The following NR5A2 variants were observed in gnomAD, a reference collection of about 807,000 sequenced individuals.
NR5A2 encodes nuclear receptor subfamily 5 group A member 2.
A neutral mutation model predicts 62.7 loss-of-function variants in NR5A2; 26 were observed. The observed-to-expected ratio is 0.41, with a 90% CI of 0.30 to 0.58. NR5A2 has a LOEUF of 0.58. Among genes scored for constraint, NR5A2 ranks in the 20% least tolerant of loss-of-function variants. The pLI is 0.22. For synonymous variants in NR5A2, 246 were observed against 241.7 expected (o/e 1.02, Z -0.16); for missense variants, 541 against 669.1 (o/e 0.81, Z 2.11).
intron 5 of NR5A2, among the ~76,000 whole-genome samples, chr1:200,066,688 A>G (rs1663492035): frequency 6.8e-6 from 1 of 147,036 alleles, no homozygotes. Flanking sequence ...CCTGGGGTCA[A>G]GTGATCCTCC....
In NR5A2 at chr1:200,175,783, T is replaced by G. The variant is rs1015216466; in HGVS notation, c.*1573T>G. Reference sequence around the variant, plus strand: ...GAGACACTAAAATCAAAAACGGGAATCTCATTTAGACTTTAATTTTTTTGA... The same window carrying G: ...GAGACACTAAAATCAAAAACGGGAAGCTCATTTAGACTTTAATTTTTTTGA... On this transcript the variant is annotated 3_prime_UTR_variant, in exon 8 of 8. Transcript: ENST00000367362. 1 of 152,564 alleles carries G rather than the reference T, an allele frequency of 6.6e-6. No individual in the cohort carries two copies. The highest frequency in any genetic ancestry group is 2.4e-5 in the African/African-American group (1 of 41,432). The allele number at this position is 152,564 out of a possible 1,614,324, so 9.5% of individuals were successfully genotyped here. A position where few individuals can be genotyped will look rare whatever the true frequency, so the allele number is the denominator to read the frequency against.
At chr1:200,149,027 C>T (rs146988394) in intron 7 of NR5A2, among the ~76,000 whole-genome samples, 2,189 of 152,136 alleles carry the variant, frequency 0.014, 55 homozygotes, top group African/African-American at 0.049. Flanking sequence ...ATTCTCCTGC[C>T]TCGACCTCCC....
chr1:200,083,665 TG>T (rs1192358185), intron 5 of NR5A2, among the ~76,000 whole-genome samples: 9 of 152,166 alleles, frequency 5.9e-5, no homozygotes, highest in African/African-American at 2.2e-4. Context: ...ACAGCAATAT[TG>T]TATAGCAATG....
intron 7 of NR5A2, among the ~76,000 whole-genome samples, chr1:200,167,672 C>T (rs1653968992): frequency 6.6e-6 from 1 of 152,226 alleles, no homozygotes; most frequent in African/African-American, 2.4e-5. Flanking sequence ...ATGCAGCACT[C>T]TTCACAGTCT....
intron 5 of NR5A2, among the ~76,000 whole-genome samples, chr1:200,096,827 G>A (rs1158620439): frequency 1.3e-5 from 2 of 152,170 alleles, no homozygotes; most frequent in African/African-American, 4.8e-5. Flanking sequence ...GTGTAGAATA[G>A]TAACATGCTG....
intron 1 of NR5A2, among the ~76,000 whole-genome samples, chr1:200,035,475 T>C (rs1029219274): frequency 6.6e-6 from 1 of 151,994 alleles, no homozygotes; most frequent in Admixed American, 6.6e-5. Context: ...ACCAACACTT[T>C]CCAGGTCAGG....
intron 5 of NR5A2, among the ~76,000 whole-genome samples, chr1:200,072,677 A>G (rs1257540795): frequency 2.0e-5 from 3 of 152,194 alleles, no homozygotes; most frequent in Non-Finnish European, 4.4e-5. Flanking sequence ...TTTAATTACT[A>G]AAAAGGTAAG....
intron 7 of NR5A2, among the ~76,000 whole-genome samples, chr1:200,166,621 A>G (rs1653915029): frequency 1.3e-5 from 2 of 152,190 alleles, no homozygotes; most frequent in African/African-American, 4.8e-5. Flanking sequence ...AATAGGGGAA[A>G]AAAAACTCCA....
intron 7 of NR5A2, chr1:200,148,191 G>T: frequency 3.6e-6 from 1 of 281,638 alleles, no homozygotes; most frequent in Non-Finnish European, 6.5e-6. Flanking sequence ...TCTGCAACCT[G>T]TCCGTTGGGC....
intron 5 of NR5A2, among the ~76,000 whole-genome samples, chr1:200,050,219 T>A (rs1391233686): frequency 6.6e-6 from 1 of 152,222 alleles, no homozygotes; most frequent in Non-Finnish European, 1.5e-5. Context: ...ATGCAAACAC[T>A]TTCCTGATAT....
At chr1:200,062,196 C>A (rs1254982011) in intron 5 of NR5A2, among the ~76,000 whole-genome samples, 3 of 146,288 alleles carry the variant, frequency 2.1e-5, no homozygotes, top group African/African-American at 7.6e-5. Flanking sequence ...TGCACAAGTT[C>A]AGGGTCCCAA....
chr1:200,174,243 A>G lies in NR5A2; in HGVS notation c.*33A>G. 1.3e-6 allele frequency: 2 copies of G among 1,500,070 alleles called. No individual in the cohort carries two copies. Among genetic ancestry groups the G allele is most frequent in the Non-Finnish European group, 1.8e-6 (2 of 1,123,318 alleles). 92.9% of individuals were successfully genotyped at this position (1,500,070 alleles called of 1,614,324 possible). A position where few individuals can be genotyped will look rare whatever the true frequency, so the allele number is the denominator to read the frequency against. ...CCCCTAGGAGCTCTGCTTTCAAAAC[A>G]AAAAGAGATTGGGGGAGTGGGGAGG... On this transcript the variant is annotated 3_prime_UTR_variant, in exon 8 of 8. Coordinates refer to ENST00000367362, the MANE Select transcript of NR5A2 (RefSeq NM_205860.3).
At chr1:200,030,884 T>C (rs945710102) in intron 1 of NR5A2, among the ~76,000 whole-genome samples, 3 of 152,356 alleles carry the variant, frequency 2.0e-5, no homozygotes, top group Admixed American at 1.3e-4. Context: ...TCTTGCTATC[T>C]GGTCCCCTGA....
chr1:200,107,303 CT>C (rs5780011), intron 5 of NR5A2, among the ~76,000 whole-genome samples: 25 of 146,102 alleles, frequency 1.7e-4, no homozygotes, highest in Middle Eastern at 3.5e-3. Context: ...TATTAAGTGG[CT>C]TTTTTTTTTT....
intron 5 of NR5A2, among the ~76,000 whole-genome samples, chr1:200,098,160 G>T (rs961738426): frequency 2.6e-5 from 4 of 152,124 alleles, no homozygotes; most frequent in Non-Finnish European, 4.4e-5. Context: ...TGTAAGAGGG[G>T]CCACTGACAA....
At chr1:200,047,943 T>C (rs1457821807) in intron 4 of NR5A2, among the ~76,000 whole-genome samples, 1 of 152,196 alleles carries the variant, frequency 6.6e-6, no homozygotes, top group Non-Finnish European at 1.5e-5. Context: ...AGGGTTAATA[T>C]GTCCCTATGT....
chr1:200,085,402 C>G (rs563892880), intron 5 of NR5A2, among the ~76,000 whole-genome samples: 2 of 152,274 alleles, frequency 1.3e-5, no homozygotes, highest in South Asian at 2.1e-4. Context: ...TTACTTCCCT[C>G]TTATCATCAC....
chr1:200,157,294 A>G (rs1276917523), intron 7 of NR5A2, among the ~76,000 whole-genome samples: 3 of 152,218 alleles, frequency 2.0e-5, no homozygotes, highest in Admixed American at 6.5e-5. Flanking sequence ...CTAAATAATC[A>G]GGAGTTGACT....
intron 6 of NR5A2, among the ~76,000 whole-genome samples, chr1:200,117,303 T>G (rs1320202419): frequency 6.6e-6 from 1 of 152,224 alleles, no homozygotes; most frequent in Non-Finnish European, 1.5e-5. Flanking sequence ...TGAATGTTGT[T>G]TCAAGAATAA....
Sources: allele counts gnomAD v4.1 joint callset (sites outside exome capture counted in the v4.1 genomes callset), GRCh38; gene constraint gnomAD v4.1.1; transcripts MANE v1.5; gene names NCBI Gene and HGNC (gene_info 2026-07-23, HGNC 2026-07-21).